Variants in GPHN observed in about 807,000 individuals in gnomAD.
GPHN encodes the protein gephyrin.
In GPHN, 17 loss-of-function variants were observed where a neutral mutation model predicts 95.5. That is an observed-to-expected ratio of 0.18 (90% CI 0.12 to 0.27). The LOEUF is 0.27. Among genes scored for constraint, GPHN ranks in the 10% least tolerant of loss-of-function variants. GPHN has a pLI of 1.00. For missense variants in GPHN, 660 were observed against 978.1 expected (o/e 0.67, Z 4.34); for synonymous variants, 320 against 322.5 (o/e 0.99, Z 0.08).
chr14:67,612,111 G>A, the GPHN span, among the ~76,000 whole-genome samples: 1 of 152,172 alleles, frequency 6.6e-6, no homozygotes, highest in Admixed American at 6.5e-5. Flanking sequence ...GCCAGCAATG[G>A]GGAGTAGCTG....
At chr14:66,594,794 C>T (rs982314905) in intron 1 of GPHN, among the ~76,000 whole-genome samples, 2 of 151,822 alleles carry the variant, frequency 1.3e-5, no homozygotes, top group African/African-American at 4.8e-5. Flanking sequence ...AAAGCACAGA[C>T]GACAAAAGTA....
intron 1 of GPHN, among the ~76,000 whole-genome samples, chr14:66,529,448 T>C (rs567937915): frequency 6.6e-6 from 1 of 152,248 alleles, no homozygotes; most frequent in African/African-American, 2.4e-5. Flanking sequence ...CTACCCACTT[T>C]CTGAAGCCTA....
the GPHN span, among the ~76,000 whole-genome samples, chr14:67,318,824 G>C: frequency 6.2e-4 from 94 of 152,188 alleles, no homozygotes; most frequent in African/African-American, 2.1e-3. Context: ...TTGGGAGGCC[G>C]AGGCAGGCGG....
At chr14:67,150,426 G>A (rs1351975745) in intron 18 of GPHN, among the ~76,000 whole-genome samples, 1 of 118,354 alleles carries the variant, frequency 8.4e-6, no homozygotes, top group Non-Finnish European at 1.6e-5. Flanking sequence ...GGGCGACAGA[G>A]CGAGACTCCG....
chr14:67,449,237 C>G, the GPHN span, among the ~76,000 whole-genome samples: 1 of 152,304 alleles, frequency 6.6e-6, no homozygotes, highest in Non-Finnish European at 1.5e-5. Context: ...TTCAGTCTGG[C>G]CAAGAGGATC....
intron 1 of GPHN, chr14:66,508,987 A>T: frequency 3.6e-6 from 1 of 279,374 alleles, no homozygotes; most frequent in Non-Finnish European, 7.0e-6. Context: ...AGTGCTCTTC[A>T]GAGAGAGGGG....
intron 1 of GPHN, among the ~76,000 whole-genome samples, chr14:66,664,155 C>T (rs768239469): frequency 6.6e-6 from 1 of 152,160 alleles, no homozygotes; most frequent in Non-Finnish European, 1.5e-5. Context: ...GAACTCTCCA[C>T]TCAAAAACAA....
chr14:66,984,720 T>A (rs2070901679), intron 9 of GPHN, among the ~76,000 whole-genome samples: 1 of 152,130 alleles, frequency 6.6e-6, no homozygotes, highest in African/African-American at 2.4e-5. Context: ...TTCTGCTATC[T>A]CCTAATATAA....
intron 4 of GPHN, among the ~76,000 whole-genome samples, chr14:66,856,387 T>A (rs2062804995): frequency 6.6e-6 from 1 of 152,132 alleles, no homozygotes; most frequent in African/African-American, 2.4e-5. Context: ...GTCTCCAAAT[T>A]AAAGTGAAAA....
At chr14:67,722,855 T>G in the GPHN span, 1 of 768,408 alleles carries the variant, frequency 1.3e-6, no homozygotes, top group South Asian at 1.4e-5. Flanking sequence ...GGGGGTGTTG[T>G]GGATACCATG....
At chr14:67,159,868 C>T (rs1455794301) in intron 19 of GPHN, among the ~76,000 whole-genome samples, 1 of 151,896 alleles carries the variant, frequency 6.6e-6, no homozygotes, top group Non-Finnish European at 1.5e-5. Flanking sequence ...CCCCACCCTG[C>T]CTTTTAGTTG....
At chr14:66,632,561 C>CG (rs1398780687) in intron 1 of GPHN, among the ~76,000 whole-genome samples, 1 of 146,612 alleles carries the variant, frequency 6.8e-6, no homozygotes, top group African/African-American at 2.5e-5. Flanking sequence ...GGTGTGCTCT[C>CG]GGCTCACTGC....
chr14:67,585,744 G>A, the GPHN span: 6 of 1,118,958 alleles, frequency 5.4e-6, no homozygotes, highest in East Asian at 2.5e-5. Flanking sequence ...CCTGAACCAA[G>A]TGACCATGGC....
At chr14:66,954,932 G>T (rs2068383874) in intron 8 of GPHN, among the ~76,000 whole-genome samples, 1 of 152,010 alleles carries the variant, frequency 6.6e-6, no homozygotes, top group African/African-American at 2.4e-5. Flanking sequence ...CTTATCTTAT[G>T]GTGAGCCACT....
At chr14:66,962,383 A>T (rs1217256092) in intron 8 of GPHN, among the ~76,000 whole-genome samples, 1 of 151,482 alleles carries the variant, frequency 6.6e-6, no homozygotes, top group African/African-American at 2.4e-5. Context: ...AGACTATGTA[A>T]TGAAATTGTA....
chr14:66,835,307 G>C (rs2061750841), intron 4 of GPHN, among the ~76,000 whole-genome samples: 1 of 150,768 alleles, frequency 6.6e-6, no homozygotes, highest in Non-Finnish European at 1.5e-5. Context: ...GCTTTTGAAT[G>C]TGTTTGCTCT....
the GPHN span, among the ~76,000 whole-genome samples, chr14:67,459,310 A>G: frequency 2.0e-5 from 3 of 152,216 alleles, no homozygotes; most frequent in African/African-American, 7.2e-5. Flanking sequence ...CTGGGATTAC[A>G]GGTATGAGCC....
the GPHN span, chr14:67,280,084 A>G: frequency 6.6e-6 from 1 of 152,258 alleles, no homozygotes; most frequent in Non-Finnish European, 1.5e-5. Flanking sequence ...AGTAGATACA[A>G]CCGAACCAAA....
chr14:67,392,679 T>A, the GPHN span: 79 of 1,614,030 alleles, frequency 4.9e-5, 1 homozygote, highest in African/African-American at 9.3e-4. Flanking sequence ...TACAGGGCTG[T>A]GGAGTCATCC....
Sources: gnomAD v4.1 joint callset for allele counts (sites outside exome capture counted in the v4.1 genomes callset) on GRCh38, gnomAD v4.1.1 for gene constraint, MANE v1.5 for transcripts, NCBI Gene and HGNC (gene_info 2026-07-23, HGNC 2026-07-21) for gene names.